Variants in ENDOV observed in about 807,000 individuals in gnomAD.
ENDOV encodes the protein endonuclease V.
ENDOV carries 37 observed loss-of-function variants against 39.4 expected under a neutral mutation model. The observed-to-expected ratio is 0.94, with a 90% CI of 0.72 to 1.23. The LOEUF is 1.23. Ranked by LOEUF, ENDOV falls within the 50% of genes most tolerant of loss-of-function variation. The probability of loss-of-function intolerance (pLI) is 0.00; values close to 1 mark genes in which losing one functional copy is unlikely to be tolerated. For synonymous variants in ENDOV, 186 were observed against 163.4 expected (o/e 1.14, Z -1.05); for missense variants, 441 against 375.7 (o/e 1.17, Z -1.44).
chr17:80,425,048 C>A lies in ENDOV; in HGVS notation c.533C>A (p.Thr178Asn). The part of the protein sequence containing the change: ...LHKEKIRLLQ[T>N]RGDSFPLLGD... ...ATTTTCCAGATCCGACTCCTGCAGA[C>A]TCGAGGAGACTCATTCCCTCTGCTG... The change falls in exon 6 of 10, where the codon ACT becomes AAT. Residue 178 changes from threonine (T) to asparagine (N), a missense_variant. Transcript: ENST00000518137. The A allele has an allele frequency of 6.2e-7, 1 of 1,612,576 alleles. No homozygotes were observed. The highest frequency in any genetic ancestry group is 8.5e-7 in the Non-Finnish European group (1 of 1,179,388).
chr17:80,418,708 A>T (rs2081530756), intron 2 of ENDOV: 1 of 152,116 alleles, frequency 6.6e-6, no homozygotes, highest in African/African-American at 2.4e-5. Context: ...GGTGGGATGG[A>T]TGGGAAGTGA....
chr17:80,419,830 C>T, intron 2 of ENDOV: 1 of 614,532 alleles, frequency 1.6e-6, no homozygotes, highest in Non-Finnish European at 3.0e-6. Context: ...CTAGACCTAA[C>T]TGTCACCCAC....
At chr17:80,430,429 G>A in intron 9 of ENDOV, 1 of 1,401,786 alleles carries the variant, frequency 7.1e-7, no homozygotes, top group East Asian at 2.9e-5. Context: ...AGGTTTACTT[G>A]CAAAATCAGG....
At chr17:80,425,338 T>A in intron 6 of ENDOV, 154 bp from the exon 7 acceptor site, 1 of 1,190,624 alleles carries the variant, frequency 8.4e-7, no homozygotes, top group South Asian at 1.5e-5. Flanking sequence ...GAAGGCGCCC[T>A]GAGGGTGGGC....
Position 80,415,183 on chromosome 17 carries a change from C to A in ENDOV, c.-12C>A, listed in dbSNP as rs374446721. On this transcript the variant is annotated 5_prime_UTR_variant, in exon 1 of 10. Coordinates refer to ENST00000518137, the MANE Select transcript of ENDOV (RefSeq NM_173627.5). ...GGAAGTGACGTGCGGAAGGGGTGCC[C>A]GGGACGAAGCCATGGCCCTGGAGGC... The A allele has an allele frequency of 1.5e-5, 24 of 1,612,482 alleles. No individual in the cohort carries two copies. The highest frequency in any genetic ancestry group is 1.9e-5 in the Non-Finnish European group (22 of 1,179,494).
intron 2 of ENDOV, chr17:80,418,145 A>G (rs2081449402): frequency 6.6e-6 from 1 of 152,148 alleles, no homozygotes; most frequent in African/African-American, 2.4e-5. Flanking sequence ...CTGACTACTC[A>G]TGCTCACACC....
In ENDOV at chr17:80,415,180, GC is replaced by G; in HGVS notation, c.-12del. On this transcript the variant is annotated 5_prime_UTR_variant, in exon 1 of 10. Coordinates refer to ENST00000518137, the MANE Select transcript of ENDOV (RefSeq NM_173627.5). The stretch of plus-strand genomic sequence containing the variant: ...TCCGGAAGTGACGTGCGGAAGGGGT[GC>G]CCGGGACGAAGCCATGGCCCTGGAG... 6.2e-7 allele frequency: 1 copy of G among 1,612,530 alleles called. No homozygotes were observed. The highest frequency in any genetic ancestry group is 8.5e-7 in the Non-Finnish European group (1 of 1,179,454).
At chr17:80,427,112 A>T (rs2082789982) in intron 7 of ENDOV, among the ~76,000 whole-genome samples, 1 of 152,262 alleles carries the variant, frequency 6.6e-6, no homozygotes, top group Non-Finnish European at 1.5e-5. Context: ...AGCTGTGCTC[A>T]GTGGTGGCGT....
intron 1 of ENDOV, 114 bp downstream of exon 1, chr17:80,415,364 C>A: frequency 7.6e-7 from 1 of 1,309,164 alleles, no homozygotes; most frequent in Non-Finnish European, 1.1e-6. Flanking sequence ...CCGCCCGAGA[C>A]TCCAAAGCAA....
intron 5 of ENDOV, among the ~76,000 whole-genome samples, chr17:80,424,529 A>G (rs955630757): frequency 6.6e-6 from 1 of 152,200 alleles, no homozygotes. Flanking sequence ...CAGCACCCTC[A>G]GCTCAGGGAC....
chr17:80,429,451 C>T (rs1839600503), intron 8 of ENDOV, among the ~76,000 whole-genome samples: 2 of 152,234 alleles, frequency 1.3e-5, no homozygotes, highest in South Asian at 2.1e-4. Flanking sequence ...CCCTCGCCCA[C>T]GATTAGTTAC....
chr17:80,429,857 C>T (rs2083187945), intron 9 of ENDOV, 26 bp downstream of exon 9: 1 of 1,612,630 alleles, frequency 6.2e-7, no homozygotes, highest in African/African-American at 1.3e-5. Flanking sequence ...CACAGGACCA[C>T]AGCCCAGGCC....
chr17:80,425,766 TCTTGCTGGAGAG>T (rs2082621779), intron 7 of ENDOV, 146 bp downstream of exon 7: 1 of 1,311,186 alleles, frequency 7.6e-7, no homozygotes, highest in Non-Finnish European at 1.0e-6. Context: ...GTCACAGACA[TCTTGCTGGAGAG>T]CTTGCTGGGC....
At position 80,423,240 on chromosome 17, in the gene ENDOV, G is replaced by A. The variant is rs145208169; in HGVS notation, c.404-280G>A. 4.2e-3 allele frequency among the ~76,000 whole-genome samples: 645 copies of A among 152,344 alleles called. 2 individuals are homozygous for A. Among genetic ancestry groups the A allele is most frequent in the Non-Finnish European group, 6.8e-3 (464 of 68,032 alleles). On this transcript the variant is annotated intron_variant, in intron 4 of 9. Transcript: ENST00000518137. ...AAGCTGGGAGGTGCAGGAAATGACC[G>A]GAGAGCTGCAGTATCCCAGCACGCC...
At chr17:80,419,597 GGTAGCAAAACAGAACGGA>G in intron 2 of ENDOV, 1 of 702,986 alleles carries the variant, frequency 1.4e-6, no homozygotes, top group Non-Finnish European at 2.6e-6. Context: ...TCTGCCTTCA[GGTAGCAAAACAGAACGGA>G]TCTTCCCTGC....
intron 2 of ENDOV, among the ~76,000 whole-genome samples, chr17:80,421,285 G>A (rs76147143): frequency 4.4e-4 from 22 of 50,478 alleles, no homozygotes; most frequent in South Asian, 5.8e-4. Flanking sequence ...CCTATGGACC[G>A]GGTCCCGGGG....
intron 1 of ENDOV, 69 bp downstream of exon 1, chr17:80,415,319 C>T (rs2080934750): frequency 6.4e-7 from 1 of 1,557,034 alleles, no homozygotes; most frequent in African/African-American, 1.4e-5. Context: ...ACCCTCCGAG[C>T]TCATAGTCTT....
Position 80,425,569 on chromosome 17 carries a change from G to A in ENDOV, c.663G>A (p.Val221=), listed in dbSNP as rs1444872389. The A allele has an allele frequency of 5.0e-6, 8 of 1,592,712 alleles. No homozygotes were observed. The highest frequency in any genetic ancestry group is 6.0e-6 in the Non-Finnish European group (7 of 1,173,696). ...VGHRMSLEAA[V]RLTCCCCRFR... ...ACAGGATGAGCCTGGAGGCCGCTGT[G>A]CGCCTGACTTGCTGCTGCTGCAGGT... Residue 221 remains valine, a synonymous_variant, in exon 7 of 10, where the codon GTG becomes GTA. Coordinates refer to ENST00000518137, the MANE Select transcript of ENDOV (RefSeq NM_173627.5).
At position 80,436,462 on chromosome 17, in the gene ENDOV, G is replaced by A. The variant is rs1021579596; in HGVS notation, c.*319G>A. ...AGACGGTCCCTTCTAGTCCTAATTT[G>A]TTAAGTGTTTTTATCCTTAAAGGGT... On this transcript the variant is annotated 3_prime_UTR_variant, in exon 10 of 10. Transcript: ENST00000518137. 8 of 1,003,268 alleles carry A rather than the reference G, an allele frequency of 8.0e-6. No homozygotes were observed. The highest frequency in any genetic ancestry group is 3.4e-5 in the Admixed American group (1 of 29,702). 62.1% of individuals were successfully genotyped at this position (1,003,268 alleles called of 1,614,324 possible).
Sources: allele counts gnomAD v4.1 joint callset (sites outside exome capture counted in the v4.1 genomes callset), GRCh38; gene constraint gnomAD v4.1.1; transcripts MANE v1.5; gene names NCBI Gene and HGNC (gene_info 2026-07-23, HGNC 2026-07-21).